The following PEAK1 variants were observed in gnomAD, a reference collection of about 807,000 sequenced individuals.
PEAK1 encodes the protein inactive tyrosine-protein kinase PEAK1.
PEAK1 carries 54 observed loss-of-function variants against 124.7 expected under a neutral mutation model. The observed-to-expected ratio is 0.43, with a 90% confidence interval of 0.35 to 0.54. The LOEUF is 0.54. Ranked by LOEUF, PEAK1 falls within the 20% of genes least tolerant of loss-of-function variation. PEAK1 has a pLI of 0.01. For missense variants in PEAK1, 2,046 were observed against 2,134.5 expected (o/e 0.96, Z 0.82); for synonymous variants, 719 against 760.0 (o/e 0.95, Z 0.89).
chr15:77,221,450 GA>G (rs772686007), intron 6 of PEAK1, among the ~76,000 whole-genome samples: 7 of 151,810 alleles, frequency 4.6e-5, no homozygotes, highest in Non-Finnish European at 1.0e-4. Flanking sequence ...TAGATATTTT[GA>G]AACATAGGCT....
chr15:77,243,960 C>A (rs2060466581), intron 6 of PEAK1, among the ~76,000 whole-genome samples: 1 of 150,280 alleles, frequency 6.7e-6, no homozygotes, highest in Non-Finnish European at 1.5e-5. Context: ...AGAAGTGAAA[C>A]TCTTTCTCAA....
In PEAK1 at chr15:77,340,461, C is replaced by T. The variant is rs966487481; in HGVS notation, c.-603+24702G>A. ...TGAGTAATTGCCAAGGGTTCAGCGG[C>T]GAGGAAGGAGGAATGAATGAATGGA... On this transcript the variant is annotated intron_variant, in intron 2 of 9. Transcript: ENST00000682557. Among the ~76,000 whole-genome samples, 5 of 152,144 alleles carry T rather than the reference C, an allele frequency of 3.3e-5. No individual in the cohort carries two copies. In the South Asian group the frequency reaches 8.3e-4, roughly 25 times the overall value.
chr15:77,101,093 C>CA (rs2050690153), exon 7 of PEAK1: 1 of 152,464 alleles, frequency 6.6e-6, no homozygotes, highest in Non-Finnish European at 1.5e-5. Flanking sequence ...CCTCACCCCC[C>CA]ACTTCCCATC....
chr15:77,353,332 G>C (rs1378142011), intron 2 of PEAK1, among the ~76,000 whole-genome samples: 1 of 152,178 alleles, frequency 6.6e-6, no homozygotes, highest in Non-Finnish European at 1.5e-5. Flanking sequence ...CTGGGACTAA[G>C]TTTGGGATGG....
chr15:77,186,045 A>C (rs2057530416), intron 6 of PEAK1, among the ~76,000 whole-genome samples: 1 of 152,148 alleles, frequency 6.6e-6, no homozygotes, highest in Non-Finnish European at 1.5e-5. Flanking sequence ...CTTTTGTTGT[A>C]TATGCTCACT....
At chr15:77,236,678 T>C (rs1193448519) in intron 6 of PEAK1, among the ~76,000 whole-genome samples, 1 of 152,052 alleles carries the variant, frequency 6.6e-6, no homozygotes, top group African/African-American at 2.4e-5. Context: ...GACATGAAAT[T>C]TGGGAGGGGC....
At chr15:77,374,267 C>T (rs1332059357) in intron 1 of PEAK1, among the ~76,000 whole-genome samples, 2 of 152,088 alleles carry the variant, frequency 1.3e-5, no homozygotes, top group Non-Finnish European at 2.9e-5. Context: ...TGTCTAATTA[C>T]AGATTTTGCT....
intron 1 of PEAK1, among the ~76,000 whole-genome samples, chr15:77,383,691 G>A (rs1462179001): frequency 6.6e-6 from 1 of 152,090 alleles, no homozygotes; most frequent in Non-Finnish European, 1.5e-5. Context: ...CTAGATTTAG[G>A]AATTCTACCA....
chr15:77,418,115 C>CA, intron 1 of PEAK1: 2 of 983,866 alleles, frequency 2.0e-6, no homozygotes, highest in Non-Finnish European at 2.4e-6. Context: ...TAATAGGCTA[C>CA]AAACATTATT....
intron 8 of PEAK1, among the ~76,000 whole-genome samples, chr15:77,134,637 T>C (rs2053160430): frequency 6.6e-6 from 1 of 152,252 alleles, no homozygotes; most frequent in African/African-American, 2.4e-5. Context: ...GGGCTTATTG[T>C]ATAACAGAGA....
intron 5 of PEAK1, among the ~76,000 whole-genome samples, chr15:77,283,568 A>G (rs1027366550): frequency 2.6e-5 from 4 of 152,232 alleles, no homozygotes; most frequent in Non-Finnish European, 5.9e-5. Flanking sequence ...CTACAACTAC[A>G]AAGTGGAAAT....
At chr15:77,302,424 A>T (rs1238002720) in intron 2 of PEAK1, among the ~76,000 whole-genome samples, 3 of 152,172 alleles carry the variant, frequency 2.0e-5, no homozygotes, top group Non-Finnish European at 2.9e-5. Flanking sequence ...GCTTACCTGT[A>T]ACCAACACTA....
At chr15:77,417,454 C>A (rs1035713089) in intron 1 of PEAK1, 1 of 169,504 alleles carries the variant, frequency 5.9e-6, no homozygotes, top group Non-Finnish European at 6.6e-6. Context: ...TGGGGGGATG[C>A]GGGGCGGGGG....
chr15:77,134,642 C>T (rs560435386), intron 8 of PEAK1, among the ~76,000 whole-genome samples: 52 of 152,260 alleles, frequency 3.4e-4, no homozygotes, highest in African/African-American at 1.3e-3. Flanking sequence ...TATTGTATAA[C>T]AGAGAGAACA....
rs559175247 is a variant in PEAK1 at position 77,356,563 on chromosome 15, G to A, written c.-603+8600C>T. 2.2e-3 allele frequency among the ~76,000 whole-genome samples: 334 copies of A among 151,634 alleles called. 1 individual carries two copies. The highest frequency in any genetic ancestry group is 4.2e-3 in the African/African-American group (171 of 40,982). On this transcript the variant is annotated intron_variant, in intron 2 of 9. Transcript: ENST00000682557. ...CGCATAAGAGATTGACAAGAGTCAT[G>A]GATAGTAATGTTTCCTGCAGCAATA...
chr15:77,289,164 C>T (rs1308426592), intron 2 of PEAK1, among the ~76,000 whole-genome samples: 1 of 152,088 alleles, frequency 6.6e-6, no homozygotes. Context: ...AGGTACTATC[C>T]TGTACTTTCA....
chr15:77,308,121 G>T (rs1002177904), intron 2 of PEAK1, among the ~76,000 whole-genome samples: 3 of 152,032 alleles, frequency 2.0e-5, no homozygotes, highest in Admixed American at 6.6e-5. Flanking sequence ...TATACTAACA[G>T]ATATTCAACA....
intron 7 of PEAK1, among the ~76,000 whole-genome samples, chr15:77,174,550 G>T (rs115793425): frequency 0.012 from 1,774 of 152,144 alleles, 43 homozygotes; most frequent in African/African-American, 0.04. Context: ...TTTTCAATGT[G>T]CATATTCATG....
intron 6 of PEAK1, among the ~76,000 whole-genome samples, chr15:77,205,676 T>C (rs2058606651): frequency 1.3e-5 from 2 of 152,156 alleles, no homozygotes; most frequent in Admixed American, 6.5e-5. Context: ...ATATAGTGTA[T>C]ATGCTATTAA....
Sources: gnomAD v4.1 joint callset for allele counts (sites outside exome capture counted in the v4.1 genomes callset) on GRCh38, gnomAD v4.1.1 for gene constraint, MANE v1.5 for transcripts, NCBI Gene and HGNC (gene_info 2026-07-23, HGNC 2026-07-21) for gene names.